The following PHF2 variants were observed in gnomAD, a reference collection of about 807,000 sequenced individuals.
The protein encoded by PHF2 is PHD finger protein 2.
PHF2 carries 27 observed loss-of-function variants against 120.5 expected under a neutral mutation model. The ratio of observed to expected loss-of-function variants is 0.22; its 90% CI spans 0.17 to 0.31. The LOEUF (loss-of-function observed/expected upper bound fraction) is 0.31. PHF2 is among the 10% of genes least tolerant of loss of function. PHF2 has a pLI of 1.00. For synonymous variants in PHF2, 568 were observed against 592.5 expected, an observed-to-expected ratio of 0.96 and a Z score of 0.60; for missense variants, 1,024 against 1,434.8, an observed-to-expected ratio of 0.71 and a Z score of 4.63.
intron 12 of PHF2, 143 bp from the exon 13 acceptor site, chr9:93,662,764 G>C: frequency 1.2e-6 from 1 of 851,494 alleles, no homozygotes; most frequent in Non-Finnish European, 1.9e-6. Flanking sequence ...CGATGGGTGG[G>C]TGAATGGATG....
At chr9:93,657,438 G>A (rs1826480483) in intron 9 of PHF2, among the ~76,000 whole-genome samples, 4 of 152,274 alleles carry the variant, frequency 2.6e-5, no homozygotes, top group South Asian at 4.2e-4. Context: ...GTCTAACCCT[G>A]CCCTCAGGGG....
intron 1 of PHF2, among the ~76,000 whole-genome samples, chr9:93,600,017 A>G (rs1825410987): frequency 1.3e-5 from 2 of 152,148 alleles, no homozygotes; most frequent in South Asian, 4.1e-4. Context: ...AGCTCCATGC[A>G]GCCTGCGTGG....
chr9:93,663,698 A>C, intron 14 of PHF2, 63 bp downstream of exon 14: 1 of 884,290 alleles, frequency 1.1e-6, no homozygotes, highest in East Asian at 2.4e-5. Context: ...CACACCATAC[A>C]TACTGCATCA....
intron 6 of PHF2, 50 bp from the exon 7 acceptor site, chr9:93,654,363 G>A (rs1277286229): frequency 3.8e-6 from 6 of 1,584,840 alleles, no homozygotes; most frequent in African/African-American, 1.3e-5. Flanking sequence ...TTGCACCCCC[G>A]ACCCCCGCAT....
chr9:93,609,261 C>A (rs1405816720), intron 1 of PHF2, among the ~76,000 whole-genome samples: 1 of 151,956 alleles, frequency 6.6e-6, no homozygotes, highest in Non-Finnish European at 1.5e-5. Flanking sequence ...ATGAAGTAGT[C>A]ATGAAGTACA....
At chr9:93,593,825 A>G (rs1168261781) in intron 1 of PHF2, among the ~76,000 whole-genome samples, 1 of 152,248 alleles carries the variant, frequency 6.6e-6, no homozygotes, top group East Asian at 1.9e-4. Flanking sequence ...GTGTCAACCA[A>G]TTAAAATGGA....
At position 93,679,526 on chromosome 9, in the gene PHF2, G is replaced by A. The variant is rs1052973782; in HGVS notation, c.*1850G>A. On this transcript the variant is annotated 3_prime_UTR_variant, in exon 22 of 22. Transcript: ENST00000359246. ...TATTACTCTTGTATCGAGTCCATGA[G>A]GTCTAAGGCAACTTAGATCAAAGTT... The A allele has an allele frequency of 8.2e-6, 2 of 244,518 alleles. No individual in the cohort carries two copies. Among genetic ancestry groups the A allele is most frequent in the Admixed American group, 5.3e-5 (1 of 18,984 alleles). The allele number at this position is 244,518 out of a possible 1,614,324, so 15.1% of individuals were successfully genotyped here. A position where few individuals can be genotyped will look rare whatever the true frequency, so the allele number is the denominator to read the frequency against.
chr9:93,660,349 C>G lies in PHF2; in HGVS notation c.1487C>G (p.Thr496Ser). Residue 496 changes from threonine to serine, a missense_variant, in exon 12 of 22, where the codon ACT becomes AGT. Transcript: ENST00000359246. ...GTGTCCAAAAAAAAGACTCCCAAAA[C>G]TGTGAAGATGCCCAAGCCATCCAAA... ...EKVSKKKTPK[T>S]VKMPKPSKIP... The G allele has an allele frequency of 6.2e-7, 1 of 1,602,156 alleles. No homozygotes were observed. The highest frequency in any genetic ancestry group is 8.5e-7 in the Non-Finnish European group (1 of 1,174,446).
chr9:93,666,571 C>T (rs1012871119), intron 16 of PHF2, among the ~76,000 whole-genome samples: 11 of 152,344 alleles, frequency 7.2e-5, no homozygotes, highest in African/African-American at 2.2e-4. Context: ...CCATCCAGCC[C>T]GTCGGCTCCA....
intron 1 of PHF2, among the ~76,000 whole-genome samples, chr9:93,625,111 A>C (rs1027497176): frequency 6.6e-6 from 1 of 152,210 alleles, no homozygotes; most frequent in African/African-American, 2.4e-5. Flanking sequence ...CACACCCACT[A>C]AACAGTAACT....
At chr9:93,629,586 G>A (rs1393336065) in intron 1 of PHF2, among the ~76,000 whole-genome samples, 1 of 152,176 alleles carries the variant, frequency 6.6e-6, no homozygotes, top group Non-Finnish European at 1.5e-5. Context: ...GGTGTTTTCT[G>A]CCCCCTCAGG....
intron 1 of PHF2, among the ~76,000 whole-genome samples, chr9:93,585,678 G>T (rs1236500638): frequency 6.6e-6 from 1 of 152,232 alleles, no homozygotes; most frequent in Non-Finnish European, 1.5e-5. Context: ...CACCCCTGGG[G>T]CTGCCAGACT....
At chr9:93,663,052 A>T in intron 13 of PHF2, 26 bp downstream of exon 13, 2 of 1,613,590 alleles carry the variant, frequency 1.2e-6, no homozygotes, top group Admixed American at 1.7e-5. Flanking sequence ...ATGCATGCAC[A>T]CGTGTGTGTG....
intron 1 of PHF2, among the ~76,000 whole-genome samples, chr9:93,593,145 G>T (rs1825266386): frequency 6.8e-6 from 1 of 147,578 alleles, no homozygotes; most frequent in South Asian, 2.1e-4. Flanking sequence ...ATGCTAAACT[G>T]TTCCAGCAGG....
chr9:93,621,579 C>T (rs1265834756), intron 1 of PHF2, among the ~76,000 whole-genome samples: 6 of 152,216 alleles, frequency 3.9e-5, no homozygotes, highest in Non-Finnish European at 8.8e-5. Flanking sequence ...GACACTGGCC[C>T]AGAGCCTGGA....
chr9:93,675,056 A>G (rs769743024), intron 19 of PHF2, 34 bp downstream of exon 19: 2 of 1,525,590 alleles, frequency 1.3e-6, no homozygotes, highest in South Asian at 2.2e-5. Context: ...GGTCCACCTG[A>G]CACCCAGTGT....
chr9:93,649,928 CAT>C (rs1224680942), intron 5 of PHF2, among the ~76,000 whole-genome samples: 1 of 151,978 alleles, frequency 6.6e-6, no homozygotes, highest in African/African-American at 2.4e-5. Flanking sequence ...ACTCATGACA[CAT>C]TCATAGACAT....
At chr9:93,593,158 G>A (rs1587667090) in intron 1 of PHF2, among the ~76,000 whole-genome samples, 1 of 150,682 alleles carries the variant, frequency 6.6e-6, no homozygotes, top group Admixed American at 6.6e-5. Flanking sequence ...CCAGCAGGAC[G>A]GGACATGGCA....
At chr9:93,675,382 C>T (rs1030916248) in intron 19 of PHF2, among the ~76,000 whole-genome samples, 6 of 152,260 alleles carry the variant, frequency 3.9e-5, no homozygotes, top group African/African-American at 1.4e-4. Context: ...CCTGCTGGGG[C>T]AGCCAGTGGG....
Sources: gnomAD v4.1 joint callset for allele counts (sites outside exome capture counted in the v4.1 genomes callset) on GRCh38, gnomAD v4.1.1 for gene constraint, MANE v1.5 for transcripts, NCBI Gene and HGNC (gene_info 2026-07-23, HGNC 2026-07-21) for gene names.